The following EFCAB5 variants were observed in gnomAD, a reference collection of about 807,000 sequenced individuals.
The protein encoded by EFCAB5 is EF-hand calcium binding domain 5.
Under a neutral mutation model 167.9 loss-of-function variants are expected in EFCAB5, and 131 were observed. That is an observed-to-expected ratio of 0.78 (90% CI 0.68 to 0.90). The LOEUF (loss-of-function observed/expected upper bound fraction) is 0.90. Ranked by LOEUF, EFCAB5 falls within the 40% of genes least tolerant of loss-of-function variation. The probability of loss-of-function intolerance (pLI) is 0.00; values close to 1 mark genes in which losing one functional copy is unlikely to be tolerated. For missense variants in EFCAB5, 1,663 were observed against 1,745.2 expected (o/e 0.95, Z 0.84); for synonymous variants, 574 against 602.8 (o/e 0.95, Z 0.70).
chr17:30,017,137 A>G (rs1360318735), intron 7 of EFCAB5, among the ~76,000 whole-genome samples: 1 of 152,060 alleles, frequency 6.6e-6, no homozygotes, highest in Non-Finnish European at 1.5e-5. Flanking sequence ...TGATCATGCC[A>G]CTGCACTCCA....
chr17:30,037,493 G>A lies in EFCAB5; in HGVS notation c.1200+3108G>A, dbSNP rs138061127. On this transcript the variant is annotated intron_variant, in intron 8 of 22. Transcript: ENST00000394835. ...TCTCTGATGGCAGGACTCTATATAAGCACCCCCACCCCCCAAAATATGGGC... is the reference window on the plus strand; with the variant it reads ...TCTCTGATGGCAGGACTCTATATAAACACCCCCACCCCCCAAAATATGGGC... 2.9e-4 allele frequency among the ~76,000 whole-genome samples: 44 copies of A among 152,166 alleles called. No homozygotes were observed. The East Asian group carries it at 8.1e-3, about 28-fold the overall frequency.
chr17:29,971,073 C>CAAAAA (rs57637961), intron 4 of EFCAB5, among the ~76,000 whole-genome samples: 1 of 139,498 alleles, frequency 7.2e-6, no homozygotes. Context: ...GACCCCATCT[C>CAAAAA]AAAAAAAAAA....
intron 15 of EFCAB5, among the ~76,000 whole-genome samples, chr17:30,078,719 GGTAGAAAAGACAGAT>G (rs1440530802): frequency 6.6e-6 from 1 of 152,098 alleles, no homozygotes; most frequent in East Asian, 1.9e-4. Flanking sequence ...AGAGGAGAAA[GGTAGAAAAGACAGAT>G]GTAGAAAAGA....
intron 7 of EFCAB5, among the ~76,000 whole-genome samples, chr17:30,007,927 G>A (rs1229583260): frequency 1.3e-5 from 2 of 152,122 alleles, no homozygotes; most frequent in Admixed American, 1.3e-4. Flanking sequence ...AAGTCAGGCT[G>A]CAGTGAACCA....
intron 7 of EFCAB5, among the ~76,000 whole-genome samples, chr17:30,015,871 C>T (rs142612315): frequency 9.2e-5 from 14 of 151,866 alleles, no homozygotes; most frequent in African/African-American, 2.2e-4. Context: ...CTCTGCCTCC[C>T]AGGTCCAAAC....
chr17:30,024,152 A>G (rs1485672613), intron 7 of EFCAB5, among the ~76,000 whole-genome samples: 1 of 152,116 alleles, frequency 6.6e-6, no homozygotes, highest in Non-Finnish European at 1.5e-5. Flanking sequence ...CACCACTCCT[A>G]TTCAACATAG....
chr17:29,952,533 A>C (rs2067533445), intron 3 of EFCAB5, among the ~76,000 whole-genome samples: 1 of 152,244 alleles, frequency 6.6e-6, no homozygotes, highest in Non-Finnish European at 1.5e-5. Context: ...GAATAAGCAC[A>C]TTACAATACA....
intron 8 of EFCAB5, among the ~76,000 whole-genome samples, chr17:30,037,242 A>G (rs1465278613): frequency 6.6e-6 from 1 of 152,226 alleles, no homozygotes; most frequent in Non-Finnish European, 1.5e-5. Flanking sequence ...AAAGATGATG[A>G]GTATTCCTAA....
intron 14 of EFCAB5, 131 bp downstream of exon 14, chr17:30,059,832 A>T (rs1355828746): frequency 2.5e-5 from 15 of 595,258 alleles, no homozygotes; most frequent in African/African-American, 3.8e-5. Flanking sequence ...ACCAGTATAG[A>T]TATACATTTA....
chr17:30,079,467 A>G (rs893602354), intron 15 of EFCAB5, among the ~76,000 whole-genome samples: 3 of 152,356 alleles, frequency 2.0e-5, no homozygotes, highest in African/African-American at 7.2e-5. Context: ...TAATGTATAT[A>G]TTGACACATA....
intron 1 of EFCAB5, among the ~76,000 whole-genome samples, chr17:29,932,449 CTTTTTTTTTTT>C (rs35262851): frequency 2.2e-4 from 15 of 66,708 alleles, no homozygotes; most frequent in Non-Finnish European, 4.1e-4. Context: ...CTGTGCCCGG[CTTTTTTTTTTT>C]TTTTTTTTTT....
At chr17:30,005,045 GAC>G (rs1338977789) in intron 7 of EFCAB5, among the ~76,000 whole-genome samples, 40 of 152,200 alleles carry the variant, frequency 2.6e-4, no homozygotes, top group Admixed American at 1.2e-3. Flanking sequence ...CCTGAGCTAA[GAC>G]ACAGTTTCAG....
intron 8 of EFCAB5, among the ~76,000 whole-genome samples, chr17:30,046,033 C>T (rs1368234052): frequency 2.0e-5 from 3 of 152,008 alleles, no homozygotes; most frequent in Non-Finnish European, 4.4e-5. Context: ...CAGTGTGAAA[C>T]CTTGTCTCAA....
chr17:29,972,204 A>ATTTTT (rs11409322), intron 4 of EFCAB5, among the ~76,000 whole-genome samples: 1 of 127,452 alleles, frequency 7.8e-6, no homozygotes, highest in Non-Finnish European at 1.6e-5. Context: ...CGCCCGGCTA[A>ATTTTT]TTTTTTTTTT....
At chr17:30,105,290 C>T (rs889186152) in intron 22 of EFCAB5, among the ~76,000 whole-genome samples, 1 of 151,978 alleles carries the variant, frequency 6.6e-6, no homozygotes, top group Non-Finnish European at 1.5e-5. Flanking sequence ...AGTTCGAGAC[C>T]AGCCTGGCCA....
intron 14 of EFCAB5, among the ~76,000 whole-genome samples, chr17:30,060,640 G>A (rs1029340666): frequency 6.6e-6 from 1 of 152,150 alleles, no homozygotes; most frequent in African/African-American, 2.4e-5. Flanking sequence ...AGCGTCAAAT[G>A]TTCCTAAGTT....
At chr17:30,017,474 T>A (rs954146748) in intron 7 of EFCAB5, among the ~76,000 whole-genome samples, 3 of 152,142 alleles carry the variant, frequency 2.0e-5, no homozygotes, top group African/African-American at 7.2e-5. Context: ...AAGTAGATGA[T>A]CATAAATAGT....
At chr17:30,078,160 C>T in intron 14 of EFCAB5, 55 bp from the exon 15 acceptor site, 3 of 1,522,650 alleles carry the variant, frequency 2.0e-6, no homozygotes, top group Non-Finnish European at 1.8e-6. Flanking sequence ...GAAAATCCCC[C>T]CCACCAATGA....
chr17:29,931,496 A>G lies in EFCAB5; in HGVS notation c.-127+2167A>G, dbSNP rs7220656. ...GTCCCTGTACTGTACAGTCCTATGT[A>G]GAGTGTAGTGCAGAGAAGCCAGCTG... is the stretch of plus-strand genomic sequence containing the variant. On this transcript the variant is annotated intron_variant, in intron 1 of 3. Transcript: ENST00000448319. 2.1e-3 allele frequency among the ~76,000 whole-genome samples: 326 copies of G among 152,322 alleles called. 1 individual carries two copies. Among genetic ancestry groups the G allele is most frequent in the African/African-American group, 7.7e-3 (320 of 41,568 alleles).
Sources: gnomAD v4.1 joint callset for allele counts (sites outside exome capture counted in the v4.1 genomes callset) on GRCh38, gnomAD v4.1.1 for gene constraint, MANE v1.5 for transcripts, NCBI Gene and HGNC (gene_info 2026-07-23, HGNC 2026-07-21) for gene names.